Variants in LRRC74A observed in about 807,000 individuals in gnomAD.
LRRC74A encodes the protein leucine rich repeat containing 74A.
A neutral mutation model predicts 57.9 loss-of-function variants in LRRC74A; 44 were observed. The ratio of observed to expected loss-of-function variants is 0.76; its 90% CI spans 0.60 to 0.98. LRRC74A has a LOEUF of 0.98. LRRC74A is among the 50% of genes least tolerant of loss of function. The pLI is 0.00. For missense variants in LRRC74A, 572 were observed against 574.0 expected (o/e 1.00, Z 0.04); for synonymous variants, 211 against 219.4 (o/e 0.96, Z 0.34).
At chr14:76,868,959 C>T (rs1334341314) in intron 13 of LRRC74A, among the ~76,000 whole-genome samples, 2 of 152,168 alleles carry the variant, frequency 1.3e-5, no homozygotes, top group Admixed American at 6.5e-5. Flanking sequence ...GCACAGGGGG[C>T]GTCACTCGGT....
At chr14:76,869,887 G>A (rs1159038329) in intron 13 of LRRC74A, among the ~76,000 whole-genome samples, 2 of 152,078 alleles carry the variant, frequency 1.3e-5, no homozygotes, top group Non-Finnish European at 2.9e-5. Flanking sequence ...TCTTGCAAAC[G>A]ATCTTAGGTG....
chr14:76,838,470 TTTATCTATCTTTGC>T (rs373826736), intron 5 of LRRC74A, among the ~76,000 whole-genome samples: 5,772 of 152,310 alleles, frequency 0.038, 156 homozygotes, highest in Middle Eastern at 0.078. Context: ...TGGAAAACAT[TTTATCTATCTTTGC>T]AGCATAGAAA....
At position 76,866,854 on chromosome 14, in the gene LRRC74A, A is replaced by G. The variant is rs1003083161; in HGVS notation, c.1309-502A>G. Among the ~76,000 whole-genome samples the G allele has an allele frequency of 4.7e-5, 7 of 147,712 alleles. No individual in the cohort carries two copies. In the Admixed American group the frequency reaches 4.8e-4, roughly 10 times the overall value. On this transcript the variant is annotated intron_variant, in intron 12 of 13. Coordinates refer to ENST00000689127, the MANE Select transcript of LRRC74A (RefSeq NM_001385106.1). ...TCCAGCCCCTCCATGCTGTGGAATC[A>G]GTTTCCCCTGAGCTCTCAATCAGAT...
chr14:76,848,308 A>AAAATAAAT (rs138653406), intron 7 of LRRC74A, among the ~76,000 whole-genome samples: 12 of 146,084 alleles, frequency 8.2e-5, no homozygotes, highest in African/African-American at 2.5e-4. Context: ...ATTACTTTCA[A>AAAATAAAT]AAATAAATAA....
Position 76,870,257 on chromosome 14 carries a change from T to C in LRRC74A, c.*108T>C. 1.6e-6 allele frequency: 2 copies of C among 1,219,594 alleles called. No individual in the cohort carries two copies. Among genetic ancestry groups the C allele is most frequent in the Non-Finnish European group, 2.4e-6 (2 of 848,252 alleles). The allele number at this position is 1,219,594 out of a possible 1,614,324, so 75.5% of individuals were successfully genotyped here. A position where few individuals can be genotyped will look rare whatever the true frequency, so the allele number is the denominator to read the frequency against. ...CTGAAATCTCGATGGACAGATGCTG[T>C]GGCAGGGGCTGGGCACAAGCAAATA... On this transcript the variant is annotated 3_prime_UTR_variant, in exon 14 of 14. Coordinates refer to ENST00000689127, the MANE Select transcript of LRRC74A (RefSeq NM_001385106.1).
rs988184508 is a variant in LRRC74A at position 76,844,880 on chromosome 14, G to A, written c.655G>A (p.Glu219Lys). The A allele has an allele frequency of 6.3e-7, 1 of 1,586,754 alleles. No homozygotes were observed. The highest frequency in any genetic ancestry group is 1.3e-5 in the African/African-American group (1 of 74,278). The change falls in exon 7 of 14, where the codon GAG becomes AAG. Residue 219 changes from glutamate to lysine, a missense_variant. Coordinates refer to ENST00000689127, the MANE Select transcript of LRRC74A (RefSeq NM_001385106.1). ...SHNQFSDVGGEHLGQMLAINV... is the reference protein window; with the variant it reads ...SHNQFSDVGGKHLGQMLAINV... ...CAACCAATTCTCTGATGTAGGAGGGGAGCACCTGGGCCAGATGCTGGGTGA... is the reference window on the plus strand; with the variant it reads ...CAACCAATTCTCTGATGTAGGAGGGAAGCACCTGGGCCAGATGCTGGGTGA...
Position 76,836,327 on chromosome 14 carries a change from C to A in LRRC74A, c.447+13C>A, listed in dbSNP as rs574535353. On this transcript the variant is annotated intron_variant, in intron 4 of 13. Transcript: ENST00000689127. Reference sequence around the variant, plus strand: ...CCTCCAGGAGATGGTACTGTGCCCCCCTGTGCTGGCTCTTACCATCATCCC... The same window carrying A: ...CCTCCAGGAGATGGTACTGTGCCCCACTGTGCTGGCTCTTACCATCATCCC... The A allele has an allele frequency of 6.4e-7, 1 of 1,562,918 alleles. No homozygotes were observed. The highest frequency in any genetic ancestry group is 1.7e-5 in the Admixed American group (1 of 58,620).
At chr14:76,845,145 G>A (rs938585776) in intron 7 of LRRC74A, among the ~76,000 whole-genome samples, 1 of 152,048 alleles carries the variant, frequency 6.6e-6, no homozygotes, top group Non-Finnish European at 1.5e-5. Context: ...GCAACACAGG[G>A]ACACCCTGTC....
intron 2 of LRRC74A, among the ~76,000 whole-genome samples, chr14:76,830,352 G>A (rs564712575): frequency 1.8e-4 from 28 of 152,322 alleles, no homozygotes; most frequent in Admixed American, 1.3e-3. Context: ...GCCTAATGAG[G>A]ACACAGCTGT....
chr14:76,855,256 G>A (rs1441263979), intron 9 of LRRC74A, among the ~76,000 whole-genome samples: 3 of 152,196 alleles, frequency 2.0e-5, no homozygotes, highest in African/African-American at 7.2e-5. Flanking sequence ...GGGTGGAGCG[G>A]GGCCAGGCAC....
At chr14:76,854,923 C>A (rs551662316) in intron 9 of LRRC74A, among the ~76,000 whole-genome samples, 1 of 152,252 alleles carries the variant, frequency 6.6e-6, no homozygotes, top group South Asian at 2.1e-4. Flanking sequence ...CCCCACTTGT[C>A]AGATGAGAAA....
rs79910992 is a variant in LRRC74A, at chr14:76,865,037, G to C, written c.1201-931G>C. 3.0e-3 allele frequency among the ~76,000 whole-genome samples: 452 copies of C among 152,186 alleles called. 10 individuals carry two copies. The highest frequency in any genetic ancestry group is 0.026 in the East Asian group (134 of 5,192). ...AGATAGATAGTTAAAAAGATAAAAG[G>C]GTCCACACCAAGATGTTACCTCTGT... On this transcript the variant is annotated intron_variant, in intron 11 of 13. Coordinates refer to ENST00000689127, the MANE Select transcript of LRRC74A (RefSeq NM_001385106.1).
chr14:76,850,365 T>G (rs1035184111), intron 7 of LRRC74A, among the ~76,000 whole-genome samples: 1 of 152,066 alleles, frequency 6.6e-6, no homozygotes, highest in South Asian at 2.1e-4. Context: ...ATTTGAGTGA[T>G]GCAGGTGTGC....
intron 11 of LRRC74A, among the ~76,000 whole-genome samples, chr14:76,862,816 AT>A (rs1265600699): frequency 6.6e-6 from 1 of 152,130 alleles, no homozygotes; most frequent in Admixed American, 6.5e-5. Flanking sequence ...CTCCAGGTTC[AT>A]AGAGGAGCCC....
At chr14:76,828,496 A>C (rs767051479) in intron 2 of LRRC74A, 77 bp downstream of exon 2, 1 of 1,596,018 alleles carries the variant, frequency 6.3e-7, no homozygotes, top group Non-Finnish European at 8.6e-7. Flanking sequence ...AGGAGCTGTC[A>C]TCTCACTCCT....
At chr14:76,833,155 CA>C (rs1896084987) in intron 3 of LRRC74A, among the ~76,000 whole-genome samples, 1 of 152,068 alleles carries the variant, frequency 6.6e-6, no homozygotes, top group African/African-American at 2.4e-5. Flanking sequence ...TAGAGACAGC[CA>C]AACACAAGCT....
chr14:76,862,391 G>A (rs1290015994), intron 11 of LRRC74A, among the ~76,000 whole-genome samples: 3 of 152,166 alleles, frequency 2.0e-5, no homozygotes, highest in African/African-American at 2.4e-5. Flanking sequence ...TTAGCCGAGC[G>A]TGGTGGCAGA....
chr14:76,852,690 C>T (rs974013580), intron 8 of LRRC74A, among the ~76,000 whole-genome samples: 3 of 148,248 alleles, frequency 2.0e-5, no homozygotes, highest in African/African-American at 7.5e-5. Flanking sequence ...GCAATCTCGG[C>T]TCACTGCAGC....
At chr14:76,867,117 T>TGG (rs1898932284) in intron 12 of LRRC74A, among the ~76,000 whole-genome samples, 1 of 536 alleles carries the variant, frequency 1.9e-3, no homozygotes, top group Non-Finnish European at 4.1e-3. Flanking sequence ...GTTGGGGGGA[T>TGG]GGGGTGTGTG....
Sources: allele counts gnomAD v4.1 joint callset (sites outside exome capture counted in the v4.1 genomes callset), GRCh38; gene constraint gnomAD v4.1.1; transcripts MANE v1.5; gene names NCBI Gene and HGNC (gene_info 2026-07-23, HGNC 2026-07-21).